The following BAALC variants were observed in gnomAD, a reference collection of about 807,000 sequenced individuals.
BAALC encodes the protein brain and acute leukemia cytoplasmic protein.
In BAALC, 9 loss-of-function variants were observed where a neutral mutation model predicts 15.5. The observed-to-expected ratio is 0.58, with a 90% CI of 0.35 to 1.02. The LOEUF (loss-of-function observed/expected upper bound fraction) is 1.02. BAALC is among the 50% of genes least tolerant of loss of function. BAALC has a pLI of 0.02. For synonymous variants in BAALC, 80 were observed against 74.6 expected (o/e 1.07, Z -0.37); for missense variants, 201 against 192.4 (o/e 1.04, Z -0.27).
intron 2 of BAALC, among the ~76,000 whole-genome samples, chr8:103,225,593 CTAGCCTCAGCCAGA>C (rs1212911574): frequency 6.6e-6 from 1 of 152,150 alleles, no homozygotes; most frequent in Non-Finnish European, 1.5e-5. Context: ...CAGCTGTAGT[CTAGCCTCAGCCAGA>C]TCCCACAAGG....
intron 2 of BAALC, among the ~76,000 whole-genome samples, chr8:103,218,243 C>T (rs1427166738): frequency 2.0e-5 from 3 of 152,126 alleles, no homozygotes; most frequent in African/African-American, 7.2e-5. Context: ...TAGGTGTTAA[C>T]TGGCAAGAAG....
At chr8:103,201,028 C>T (rs533213325) in intron 1 of BAALC, among the ~76,000 whole-genome samples, 3 of 152,028 alleles carry the variant, frequency 2.0e-5, no homozygotes, top group South Asian at 2.1e-4. Flanking sequence ...AGCATCCTAT[C>T]GTACTAGGTA....
At chr8:103,143,654 G>C (rs1034748754) in intron 1 of BAALC, among the ~76,000 whole-genome samples, 12 of 152,126 alleles carry the variant, frequency 7.9e-5, no homozygotes, top group African/African-American at 2.9e-4. Flanking sequence ...TTCTTTCTGG[G>C]ACCTTAGTGA....
chr8:103,152,391 G>A (rs1432320687), intron 1 of BAALC, among the ~76,000 whole-genome samples: 2 of 152,118 alleles, frequency 1.3e-5, no homozygotes, highest in Non-Finnish European at 2.9e-5. Flanking sequence ...CGCCCCCTCT[G>A]TGTGGTTAAC....
intron 1 of BAALC, among the ~76,000 whole-genome samples, chr8:103,203,311 C>T (rs1812259150): frequency 6.6e-6 from 1 of 152,174 alleles, no homozygotes; most frequent in Non-Finnish European, 1.5e-5. Flanking sequence ...TATATGAGTC[C>T]ACTAGTCAGT....
At chr8:103,152,590 C>G (rs1217324157) in intron 1 of BAALC, among the ~76,000 whole-genome samples, 1 of 152,218 alleles carries the variant, frequency 6.6e-6, no homozygotes, top group Non-Finnish European at 1.5e-5. Flanking sequence ...TGTTACAGTC[C>G]AAGTGCTTAG....
chr8:103,178,943 T>G (rs1811666784), intron 1 of BAALC, among the ~76,000 whole-genome samples: 1 of 150,860 alleles, frequency 6.6e-6, no homozygotes, highest in Non-Finnish European at 1.5e-5. Flanking sequence ...CTTTTAAAAA[T>G]AGTTGGTGGA....
chr8:103,173,060 T>C (rs1811533093), intron 1 of BAALC, among the ~76,000 whole-genome samples: 1 of 152,246 alleles, frequency 6.6e-6, no homozygotes, highest in Non-Finnish European at 1.5e-5. Context: ...TTGCTTATTT[T>C]CCATTTCACT....
intron 1 of BAALC, among the ~76,000 whole-genome samples, chr8:103,173,857 A>C (rs559320488): frequency 1.3e-4 from 20 of 152,248 alleles, no homozygotes; most frequent in Non-Finnish European, 2.6e-4. Flanking sequence ...TGGTGCCAGA[A>C]GTGAGTAAAG....
At chr8:103,165,310 G>A (rs769983516) in intron 1 of BAALC, among the ~76,000 whole-genome samples, 7 of 152,116 alleles carry the variant, frequency 4.6e-5, no homozygotes, top group Admixed American at 1.3e-4. Flanking sequence ...TGCAGCAAGC[G>A]TTGCTAAACA....
chr8:103,149,873 C>A (rs1207978403), intron 1 of BAALC, among the ~76,000 whole-genome samples: 1 of 152,186 alleles, frequency 6.6e-6, no homozygotes, highest in African/African-American at 2.4e-5. Flanking sequence ...ACCTCCCCCT[C>A]AAGCCCCCAC....
Position 103,228,228 on chromosome 8 carries a change from T to G in BAALC, c.*129T>G, listed in dbSNP as rs957443154. ...AATTCTACTGAGTCCCTGGCAAGAC[T>G]GTCTTACCTGGCAGCAAACTGCTGC... On this transcript the variant is annotated 3_prime_UTR_variant, in exon 3 of 3. Coordinates refer to ENST00000309982, the MANE Select transcript of BAALC (RefSeq NM_024812.3). 1 of 645,932 alleles carries G rather than the reference T, an allele frequency of 1.5e-6. No homozygotes were observed. Among genetic ancestry groups the G allele is most frequent in the Non-Finnish European group, 2.7e-6 (1 of 373,738 alleles). The allele number at this position is 645,932 out of a possible 1,614,324, so 40.0% of individuals were successfully genotyped here.
chr8:103,207,283 C>T (rs73282173), intron 1 of BAALC, among the ~76,000 whole-genome samples: 2,046 of 152,256 alleles, frequency 0.013, 36 homozygotes, highest in African/African-American at 0.046. Flanking sequence ...CTCATTAACA[C>T]GTATATTTTA....
At chr8:103,180,907 C>T (rs770060382) in intron 1 of BAALC, among the ~76,000 whole-genome samples, 15 of 152,178 alleles carry the variant, frequency 9.9e-5, no homozygotes, top group Non-Finnish European at 1.6e-4. Context: ...TCCTTCCTTT[C>T]TGGATAATTG....
chr8:103,181,598 C>T (rs532391581), intron 1 of BAALC, among the ~76,000 whole-genome samples: 35 of 152,180 alleles, frequency 2.3e-4, no homozygotes, highest in Non-Finnish European at 2.8e-4. Context: ...AACCCCATGC[C>T]GCTAATAAAA....
At chr8:103,187,097 G>A (rs1811856111) in intron 1 of BAALC, among the ~76,000 whole-genome samples, 1 of 152,010 alleles carries the variant, frequency 6.6e-6, no homozygotes, top group African/African-American at 2.4e-5. Flanking sequence ...TTCATTTTCT[G>A]CTTTAGAAAG....
At chr8:103,187,664 G>A (rs1563647809) in intron 1 of BAALC, among the ~76,000 whole-genome samples, 1 of 152,160 alleles carries the variant, frequency 6.6e-6, no homozygotes, top group Non-Finnish European at 1.5e-5. Flanking sequence ...TTGGGGTCAG[G>A]TTGTGGACAG....
At chr8:103,173,635 A>C (rs539646512) in intron 1 of BAALC, among the ~76,000 whole-genome samples, 1 of 152,234 alleles carries the variant, frequency 6.6e-6, no homozygotes, top group African/African-American at 2.4e-5. Flanking sequence ...AGTGTCTGGC[A>C]TGTAGTAGGT....
At chr8:103,168,944 T>C (rs1045118553) in intron 1 of BAALC, among the ~76,000 whole-genome samples, 2 of 152,170 alleles carry the variant, frequency 1.3e-5, no homozygotes, top group Non-Finnish European at 2.9e-5. Context: ...AAATCTCATT[T>C]CCTTAAGGTT....
Sources: allele counts gnomAD v4.1 joint callset (sites outside exome capture counted in the v4.1 genomes callset), GRCh38; gene constraint gnomAD v4.1.1; transcripts MANE v1.5; gene names NCBI Gene and HGNC (gene_info 2026-07-23, HGNC 2026-07-21).